The following ATP11A variants were observed in gnomAD, a reference collection of about 807,000 sequenced individuals.
The protein encoded by ATP11A is ATPase phospholipid transporting 11A.
Under a neutral mutation model 154.4 loss-of-function variants are expected in ATP11A, and 81 were observed. That is an observed-to-expected ratio of 0.52 (90% CI 0.44 to 0.63). The LOEUF is 0.63. ATP11A is among the 30% of genes least tolerant of loss of function. The probability of loss-of-function intolerance (pLI) is 0.00; values close to 1 mark genes in which losing one functional copy is unlikely to be tolerated. For synonymous variants in ATP11A, 623 were observed against 585.9 expected (o/e 1.06, Z -0.91); for missense variants, 1,316 against 1,474.3 (o/e 0.89, Z 1.76).
Position 112,883,450 on chromosome 13 carries a change from C to G in ATP11A, c.*1584C>G, listed in dbSNP as rs539468255. The G allele has an allele frequency of 2.7e-6, 1 of 368,970 alleles. No homozygotes were observed. The highest frequency in any genetic ancestry group is 4.6e-5 in the Admixed American group (1 of 21,784). 22.9% of individuals were successfully genotyped at this position (368,970 alleles called of 1,614,324 possible). ...GCCCTCACGCCCGCCCCGCGCCACG[C>G]TGTGGAACGGGGCTCCGGCAAGTGA... On this transcript the variant is annotated 3_prime_UTR_variant, in exon 30 of 30. Transcript: ENST00000375645.
intron 1 of ATP11A, among the ~76,000 whole-genome samples, chr13:112,752,477 T>C (rs975378875): frequency 6.6e-6 from 1 of 151,950 alleles, no homozygotes; most frequent in Admixed American, 6.6e-5. Flanking sequence ...CTGTGCCTGG[T>C]GGGCGCCCCT....
chr13:112,880,308 C>A (rs2080846559), intron 29 of ATP11A: 1 of 184,528 alleles, frequency 5.4e-6, no homozygotes, highest in Non-Finnish European at 1.1e-5. Context: ...CGTCCCTGAG[C>A]CTGTCGCTGT....
chr13:112,760,063 A>G (rs1249422295), intron 1 of ATP11A, among the ~76,000 whole-genome samples: 4 of 152,186 alleles, frequency 2.6e-5, no homozygotes, highest in Admixed American at 6.5e-5. Context: ...AGGAAGAGAA[A>G]TAGAAAGATT....
chr13:112,864,690 G>T (rs13378789), intron 25 of ATP11A, among the ~76,000 whole-genome samples: 1 of 62,932 alleles, frequency 1.6e-5, no homozygotes, highest in Non-Finnish European at 2.5e-5. Flanking sequence ...TCCCAGCGGG[G>T]TCCATCACCA....
Position 112,859,446 on chromosome 13 carries a change from A to G in ATP11A, c.2721A>G (p.Ser907=), listed in dbSNP as rs770301090. Residue 907 remains serine, a synonymous_variant, in exon 23 of 30, where the codon TCA becomes TCG. Transcript: ENST00000375645. This position sits in a 1 kb window ranked among gnomAD's most constrained non-coding sequence, Gnocchi z 4.3. The part of the protein sequence containing the change: ...QFLYQFFCGF[S]QQTLYDTAYL... ...TATACCAGTTCTTCTGTGGGTTTTCACAACAGGTCAGTCCTAGGGTCTTCA... is the reference window on the plus strand; with the variant it reads ...TATACCAGTTCTTCTGTGGGTTTTCGCAACAGGTCAGTCCTAGGGTCTTCA... 1.2e-6 allele frequency: 2 copies of G among 1,613,272 alleles called. No homozygotes were observed. Among genetic ancestry groups the G allele is most frequent in the African/African-American group, 2.7e-5 (2 of 74,858 alleles).
intron 1 of ATP11A, among the ~76,000 whole-genome samples, chr13:112,768,080 G>A (rs528605628): frequency 1.8e-4 from 27 of 152,350 alleles, no homozygotes; most frequent in Non-Finnish European, 3.8e-4. Context: ...TTCTCCTGAA[G>A]GTTTTCCAAG....
chr13:112,702,209 C>T (rs943826124), intron 1 of ATP11A, among the ~76,000 whole-genome samples: 15 of 150,540 alleles, frequency 1.0e-4, no homozygotes, highest in African/African-American at 2.4e-4. Flanking sequence ...AGCTGGGCAT[C>T]GTGGCGGGCA....
intron 11 of ATP11A, among the ~76,000 whole-genome samples, chr13:112,826,165 A>C (rs2078928762): frequency 6.6e-6 from 1 of 152,174 alleles, no homozygotes; most frequent in African/African-American, 2.4e-5. Flanking sequence ...AGCCTGGAGC[A>C]GGGCCGTGTG....
intron 1 of ATP11A, among the ~76,000 whole-genome samples, chr13:112,724,148 TTG>T: frequency 3.3e-5 from 2 of 60,948 alleles, no homozygotes; most frequent in South Asian, 1.2e-3. Flanking sequence ...TTCACCCCCT[TTG>T]CCCCTATTGC....
rs1342608437 is a variant in ATP11A at position 112,851,191 on chromosome 13, T to C, written c.1964T>C (p.Leu655Pro). ...AYEQIEKDLT[L>P]LGATAVEDRL... ...GAGCAAATAGAGAAAGATCTTACTC[T>C]GCTTGGTGCTACAGCTGTTGAGGAC... Residue 655 changes from leucine (L) to proline (P), a missense_variant, in exon 18 of 30, where the codon CTG (leucine) becomes CCG (proline). Physicochemically the swap from Leu to Pro is moderately conservative, Grantham distance 98. Around this residue, in one of 5 missense-constraint regions of ATP11A, gnomAD observed 876 missense variants for 1,006.8 expected, o/e 0.87. Coordinates refer to ENST00000375645, the MANE Select transcript of ATP11A (RefSeq NM_015205.3). 6.2e-7 allele frequency: 1 copy of C among 1,614,098 alleles called. No individual in the cohort carries two copies. The highest frequency in any genetic ancestry group is 1.7e-5 in the Admixed American group (1 of 60,032).
At chr13:112,864,262 A>G (rs1430922912) in intron 25 of ATP11A, among the ~76,000 whole-genome samples, 2 of 113,316 alleles carry the variant, frequency 1.8e-5, no homozygotes, top group Admixed American at 9.5e-5. Flanking sequence ...AGCGGGGTCC[A>G]TCACCACCTG....
chr13:112,777,736 G>A (rs764294347), intron 1 of ATP11A, among the ~76,000 whole-genome samples: 8 of 152,194 alleles, frequency 5.3e-5, no homozygotes, highest in East Asian at 1.9e-4. Context: ...GAAGGCTGCC[G>A]GAAGGCTGCC....
intron 21 of ATP11A, 81 bp downstream of exon 21, chr13:112,858,001 G>C: frequency 6.4e-7 from 1 of 1,570,176 alleles, no homozygotes; most frequent in Non-Finnish European, 8.8e-7. Context: ...CAGCACGCAG[G>C]TGCATTCAGG....
chr13:112,765,928 C>T (rs73567120), intron 1 of ATP11A, among the ~76,000 whole-genome samples: 2,353 of 152,370 alleles, frequency 0.015, 76 homozygotes, highest in African/African-American at 0.053. Context: ...CTTCTGAAGC[C>T]GCGGCTTCCT....
At chr13:112,772,348 G>A (rs918151745) in intron 1 of ATP11A, among the ~76,000 whole-genome samples, 2 of 152,210 alleles carry the variant, frequency 1.3e-5, no homozygotes, top group Non-Finnish European at 2.9e-5. Flanking sequence ...CTGCGGTGGG[G>A]CCATGTGGCT....
chr13:112,804,952 T>C lies in ATP11A; in HGVS notation c.163-5T>C, dbSNP rs758882722. On this transcript the variant is annotated splice_polypyrimidine_tract_variant and splice_region_variant and intron_variant, in intron 2 of 29. Coordinates refer to ENST00000375645, the MANE Select transcript of ATP11A (RefSeq NM_015205.3). Reference sequence around the variant, plus strand: ...ATGATGGATGTTTGTTTTTCTTTTATGCAGTACACATTTTGGAACTTTATA... The same window carrying C: ...ATGATGGATGTTTGTTTTTCTTTTACGCAGTACACATTTTGGAACTTTATA... 6.3e-6 allele frequency: 10 copies of C among 1,581,444 alleles called. No individual in the cohort carries two copies. In the East Asian group the frequency reaches 2.0e-4, roughly 32 times the overall value.
intron 1 of ATP11A, among the ~76,000 whole-genome samples, chr13:112,778,376 G>A (rs1307029194): frequency 6.6e-6 from 1 of 152,204 alleles, no homozygotes; most frequent in Non-Finnish European, 1.5e-5. Flanking sequence ...ATGGCAACAG[G>A]GCCAAAACCT....
chr13:112,764,818 A>C (rs990199634), intron 1 of ATP11A, among the ~76,000 whole-genome samples: 1 of 152,066 alleles, frequency 6.6e-6, no homozygotes, highest in Non-Finnish European at 1.5e-5. Context: ...TTTCTTATGG[A>C]ATGTCCACAG....
At chr13:112,851,241 G>A (rs200131984) in intron 18 of ATP11A, 23 bp downstream of exon 18, 41 of 1,598,164 alleles carry the variant, frequency 2.6e-5, no homozygotes, top group Admixed American at 3.4e-5. Flanking sequence ...CATGCATCCC[G>A]TCCTGAGAGA....
Sources: gnomAD v4.1 joint callset for allele counts (sites outside exome capture counted in the v4.1 genomes callset) on GRCh38, gnomAD v4.1.1 for gene constraint, gnomAD v4.1.1 regional missense constraint, Gnocchi (gnomAD v3.1) non-coding constraint, MANE v1.5 for transcripts, NCBI Gene and HGNC (gene_info 2026-07-23, HGNC 2026-07-21) for gene names.